The following DLG5 variants were observed in gnomAD, a reference collection of about 807,000 sequenced individuals.
The protein encoded by DLG5 is discs large MAGUK scaffold protein 5.
In DLG5, 48 loss-of-function variants were observed where a neutral mutation model predicts 189.8. The ratio of observed to expected loss-of-function variants is 0.25; its 90% CI spans 0.20 to 0.32. The LOEUF (loss-of-function observed/expected upper bound fraction) is 0.32, where lower values mean the gene tolerates loss of function less well. DLG5 is among the 10% of genes least tolerant of loss of function. The pLI is 1.00. For synonymous variants in DLG5, 1,016 were observed against 1,054.1 expected, an observed-to-expected ratio of 0.96 and a Z score of 0.70; for missense variants, 2,160 against 2,544.7, an observed-to-expected ratio of 0.85 and a Z score of 3.25.
intron 1 of DLG5, among the ~76,000 whole-genome samples, chr10:77,887,788 C>T (rs545785727): frequency 1.3e-5 from 2 of 152,208 alleles, no homozygotes; most frequent in Non-Finnish European, 2.9e-5. Flanking sequence ...AAGTCACGTT[C>T]CATTTCATCA....
chr10:77,802,527 C>T (rs748412148), intron 27 of DLG5, among the ~76,000 whole-genome samples: 3 of 152,190 alleles, frequency 2.0e-5, no homozygotes, highest in Admixed American at 6.5e-5. Flanking sequence ...AAGGCAAAAA[C>T]CGATGAATAA....
chr10:77,806,718 A>ACGCCCCC, intron 26 of DLG5, 40 bp downstream of exon 26: 19 of 1,333,652 alleles, frequency 1.4e-5, no homozygotes, highest in Non-Finnish European at 1.9e-5. Flanking sequence ...GCCCTCGGCG[A>ACGCCCCC]CCCCTGCCCC....
intron 1 of DLG5, among the ~76,000 whole-genome samples, chr10:77,882,029 G>A (rs975462146): frequency 6.6e-6 from 1 of 152,168 alleles, no homozygotes; most frequent in Non-Finnish European, 1.5e-5. Flanking sequence ...CATCTACTTC[G>A]TGGGCTGCAT....
intron 1 of DLG5, among the ~76,000 whole-genome samples, chr10:77,875,760 G>C (rs183363771): frequency 8.5e-5 from 13 of 152,124 alleles, no homozygotes; most frequent in Admixed American, 4.6e-4. Flanking sequence ...TAGGCTACTA[G>C]GAAGCCTGCT....
At chr10:77,900,651 TA>T (rs1845897875) in intron 1 of DLG5, among the ~76,000 whole-genome samples, 1 of 151,846 alleles carries the variant, frequency 6.6e-6, no homozygotes, top group Non-Finnish European at 1.5e-5. Flanking sequence ...AATACAAAAA[TA>T]AAGCCTGGGC....
In DLG5 at chr10:77,923,958, A is replaced by G. The variant is rs143990564; in HGVS notation, c.304+2259T>C. On this transcript the variant is annotated intron_variant, in intron 1 of 31. Coordinates refer to ENST00000372391, the MANE Select transcript of DLG5 (RefSeq NM_004747.4). ...CAACTCACTGTAACCTCCACTTCCC[A>G]GATTCAAGTGATTCTCCTGCCTCAG... 4.1e-3 allele frequency among the ~76,000 whole-genome samples: 627 copies of G among 152,156 alleles called. 3 individuals are homozygous for G. The highest frequency in any genetic ancestry group is 0.014 in the African/African-American group (590 of 41,518).
rs1348727875 is a variant in DLG5, at chr10:77,829,098, G to A, written c.2186-113C>T. 8 of 1,242,426 alleles carry A rather than the reference G, an allele frequency of 6.4e-6. No homozygotes were observed. The East Asian group carries it at 7.5e-5, about 12-fold the overall frequency. 77.0% of individuals were successfully genotyped at this position (1,242,426 alleles called of 1,614,324 possible). A position where few individuals can be genotyped will look rare whatever the true frequency, so the allele number is the denominator to read the frequency against. On this transcript the variant is annotated intron_variant, in intron 12 of 31. Transcript: ENST00000372391. The stretch of plus-strand genomic sequence containing the variant: ...ACAAAAGAGGATGTCAGCAGGCTGC[G>A]CCCTGTCTACGCCTGCACCCTGCCC...
chr10:77,933,911 G>A, the DLG5 span, among the ~76,000 whole-genome samples: 3 of 150,578 alleles, frequency 2.0e-5, no homozygotes, highest in Non-Finnish European at 3.0e-5. Flanking sequence ...GGCCGGGCAC[G>A]GTGGCTCACA....
At chr10:77,832,489 C>T (rs911863122) in intron 9 of DLG5, among the ~76,000 whole-genome samples, 2 of 152,216 alleles carry the variant, frequency 1.3e-5, no homozygotes, top group African/African-American at 4.8e-5. Flanking sequence ...GCCTCCAGGG[C>T]AGAGCTCCAA....
Position 77,805,925 on chromosome 10 carries a change from C to T in DLG5, c.4968-64G>A, listed in dbSNP as rs796704852. 15 of 1,503,722 alleles carry T rather than the reference C, an allele frequency of 1.0e-5. No individual in the cohort carries two copies. The African/African-American group carries it at 1.5e-4, about 15-fold the overall frequency. The allele number at this position is 1,503,722 out of a possible 1,614,324, so 93.1% of individuals were successfully genotyped here. On this transcript the variant is annotated intron_variant, in intron 26 of 31. Transcript: ENST00000372391. ...ACCCTGCTGCCCTGCCCTTCCTGCC[C>T]TTCCTGGTGAGAAAAGCAAAGGTGG...
At chr10:77,794,351 C>T (rs1360937826) in intron 30 of DLG5, among the ~76,000 whole-genome samples, 1 of 152,228 alleles carries the variant, frequency 6.6e-6, no homozygotes, top group Non-Finnish European at 1.5e-5. Flanking sequence ...CACCAGCAGC[C>T]CCTAGCGCAG....
intron 15 of DLG5, chr10:77,820,386 A>T: frequency 5.6e-6 from 1 of 179,436 alleles, no homozygotes; most frequent in Non-Finnish European, 1.2e-5. Context: ...GGAACGCTTG[A>T]GCAGCTCTGC....
intron 27 of DLG5, among the ~76,000 whole-genome samples, chr10:77,802,914 T>TA (rs1467177165): frequency 1.3e-5 from 2 of 151,840 alleles, no homozygotes; most frequent in African/African-American, 2.4e-5. Context: ...AATAAAATAA[T>TA]AAAAAAATAA....
chr10:77,918,011 T>C (rs537472800), intron 1 of DLG5, among the ~76,000 whole-genome samples: 2 of 148,384 alleles, frequency 1.3e-5, no homozygotes, highest in African/African-American at 5.1e-5. Context: ...AGAGCAAAAC[T>C]CTGTCTCAAA....
intron 25 of DLG5, among the ~76,000 whole-genome samples, 191 bp from the exon 26 acceptor site, chr10:77,807,119 C>T (rs888779878): frequency 1.3e-5 from 2 of 152,168 alleles, no homozygotes; most frequent in Non-Finnish European, 2.9e-5. Flanking sequence ...GCAAAGACTG[C>T]CTTTGCTCCC....
At position 77,796,807 on chromosome 10, in the gene DLG5, G is replaced by A. The variant is rs1162881717; in HGVS notation, c.5165-213C>T. Reference sequence around the variant, plus strand: ...CCCCATGCCCTCTGTGAACACCAGAGGCAGCTGGTCTCAACCACTCATCCC... The same window carrying A: ...CCCCATGCCCTCTGTGAACACCAGAAGCAGCTGGTCTCAACCACTCATCCC... On this transcript the variant is annotated intron_variant, in intron 27 of 31. Coordinates refer to ENST00000372391, the MANE Select transcript of DLG5 (RefSeq NM_004747.4). This position sits in a 1 kb window ranked among gnomAD's most constrained non-coding sequence, Gnocchi z 5.2. Among the ~76,000 whole-genome samples the A allele has an allele frequency of 1.3e-5, 2 of 152,194 alleles. No homozygotes were observed. Among genetic ancestry groups the A allele is most frequent in the African/African-American group, 4.8e-5 (2 of 41,442 alleles).
chr10:77,868,336 T>A, intron 2 of DLG5: 8 of 356,956 alleles, frequency 2.2e-5, no homozygotes, highest in South Asian at 1.7e-4. Flanking sequence ...ATCTGCCTAA[T>A]TCGCCACTAC....
chr10:77,833,765 G>C, intron 9 of DLG5, 149 bp downstream of exon 9: 1 of 1,149,464 alleles, frequency 8.7e-7, no homozygotes, highest in Non-Finnish European at 1.2e-6. Flanking sequence ...GACAGAGTAA[G>C]GCAGAGTGAA....
In DLG5 at chr10:77,790,858, G is replaced by C. The variant is rs1435527130; in HGVS notation, c.*1582C>G. On this transcript the variant is annotated 3_prime_UTR_variant, in exon 32 of 32. Transcript: ENST00000372391. ...ACTTTTGATACAAAGTAACATTTTA[G>C]TACAGAAAATCCCAGTCTGTCAGCT... is the stretch of plus-strand genomic sequence containing the variant. The C allele has an allele frequency of 6.6e-6, 1 of 152,188 alleles. No homozygotes were observed. Among genetic ancestry groups the C allele is most frequent in the East Asian group, 1.9e-4 (1 of 5,204 alleles). The allele number at this position is 152,188 out of a possible 1,614,324, so 9.4% of individuals were successfully genotyped here.
Sources: gnomAD v4.1 joint callset for allele counts (sites outside exome capture counted in the v4.1 genomes callset) on GRCh38, gnomAD v4.1.1 for gene constraint, Gnocchi (gnomAD v3.1) non-coding constraint, MANE v1.5 for transcripts, NCBI Gene and HGNC (gene_info 2026-07-23, HGNC 2026-07-21) for gene names.